CLHC1: variants seen among roughly 807,000 people sequenced by gnomAD.
The protein encoded by CLHC1 is clathrin heavy chain linker domain containing 1.
Under a neutral mutation model 69.5 loss-of-function variants are expected in CLHC1, and 72 were observed. That is an observed-to-expected ratio of 1.04 (90% CI 0.86 to 1.26). CLHC1 has a LOEUF of 1.26. CLHC1 is among the 50% of genes most tolerant of loss of function. CLHC1 has a pLI of 0.00. For synonymous variants in CLHC1, 223 were observed against 224.3 expected (o/e 0.99, Z 0.05); for missense variants, 790 against 679.3 (o/e 1.16, Z -1.81).
intron 3 of CLHC1, 36 bp downstream of exon 3, chr2:55,222,199 C>G (rs948830194): frequency 3.4e-6 from 5 of 1,459,666 alleles, no homozygotes; most frequent in Admixed American, 3.4e-5. Context: ...TTGCTATCCT[C>G]ATGAAAACTT....
At chr2:55,193,404 G>A (rs1363128657) in intron 9 of CLHC1, among the ~76,000 whole-genome samples, 1 of 151,460 alleles carries the variant, frequency 6.6e-6, no homozygotes, top group Non-Finnish European at 1.5e-5. Context: ...TATCAAATAG[G>A]GTTTTAATTC....
intron 9 of CLHC1, among the ~76,000 whole-genome samples, chr2:55,182,965 CAA>C (rs1002844366): frequency 3.9e-5 from 6 of 152,150 alleles, no homozygotes; most frequent in Admixed American, 1.3e-4. Context: ...CCCTAAAAAA[CAA>C]AGACTAAAGC....
At chr2:55,196,528 G>C (rs901508538) in intron 9 of CLHC1, among the ~76,000 whole-genome samples, 6 of 152,142 alleles carry the variant, frequency 3.9e-5, no homozygotes, top group African/African-American at 1.4e-4. Flanking sequence ...ACCAGGCAGA[G>C]TCATGAGGCC....
At position 55,175,686 on chromosome 2, in the gene CLHC1, C is replaced by G; in HGVS notation, c.*104G>C. On this transcript the variant is annotated 3_prime_UTR_variant, in exon 13 of 13. Transcript: ENST00000401408. ...AAGTGTGATTTATTTCTGAGATCTTCTTACTCTAGATTTATTTATAAGTTA... is the reference window on the plus strand; with the variant it reads ...AAGTGTGATTTATTTCTGAGATCTTGTTACTCTAGATTTATTTATAAGTTA... 1.4e-6 allele frequency: 1 copy of G among 695,316 alleles called. No homozygotes were observed. The highest frequency in any genetic ancestry group is 2.4e-6 in the Non-Finnish European group (1 of 421,142). The allele number at this position is 695,316 out of a possible 1,614,324, so 43.1% of individuals were successfully genotyped here.
intron 5 of CLHC1, among the ~76,000 whole-genome samples, chr2:55,210,056 G>C (rs947203477): frequency 6.6e-6 from 1 of 152,062 alleles, no homozygotes; most frequent in Non-Finnish European, 1.5e-5. Flanking sequence ...ACAGGGTCTT[G>C]TTATGTTGCC....
chr2:55,213,953 T>G (rs1312427885), intron 4 of CLHC1, among the ~76,000 whole-genome samples: 2 of 152,084 alleles, frequency 1.3e-5, no homozygotes, highest in Non-Finnish European at 2.9e-5. Context: ...CTGGATAAAT[T>G]GACCTAAGAG....
At chr2:55,179,574 T>C (rs1171072756) in intron 11 of CLHC1, among the ~76,000 whole-genome samples, 1 of 152,156 alleles carries the variant, frequency 6.6e-6, no homozygotes, top group Non-Finnish European at 1.5e-5. Context: ...AATGGCCATG[T>C]TTGGTTCCAT....
At chr2:55,184,919 AACACACACACACACACAC>A (rs561837633) in intron 9 of CLHC1, among the ~76,000 whole-genome samples, 4 of 126,098 alleles carry the variant, frequency 3.2e-5, no homozygotes, top group Admixed American at 8.3e-5. Flanking sequence ...AAAAAAACAA[AACACACACACACACACAC>A]ACACACACAC....
intron 9 of CLHC1, among the ~76,000 whole-genome samples, chr2:55,203,036 T>C (rs1672110644): frequency 1.3e-5 from 2 of 152,152 alleles, no homozygotes; most frequent in Admixed American, 1.3e-4. Flanking sequence ...GTAATCCTGC[T>C]TATAATAGCC....
At chr2:55,189,596 T>A (rs187528935) in intron 9 of CLHC1, among the ~76,000 whole-genome samples, 2 of 152,090 alleles carry the variant, frequency 1.3e-5, no homozygotes, top group East Asian at 1.9e-4. Flanking sequence ...AGTTCCTGAA[T>A]TGAGGACACG....
chr2:55,200,896 T>C (rs1030837959), intron 9 of CLHC1, among the ~76,000 whole-genome samples: 18 of 152,050 alleles, frequency 1.2e-4, no homozygotes, highest in African/African-American at 4.1e-4. Context: ...ACCATACAAA[T>C]ATGGAAACTA....
chr2:55,206,075 T>C (rs1237751074), intron 9 of CLHC1, among the ~76,000 whole-genome samples, 195 bp downstream of exon 9: 2 of 152,244 alleles, frequency 1.3e-5, no homozygotes, highest in Admixed American at 6.5e-5. Context: ...CTTTTCTGTA[T>C]ACTTAAAATC....
intron 2 of CLHC1, among the ~76,000 whole-genome samples, chr2:55,223,722 C>T (rs1674401919): frequency 6.6e-6 from 1 of 152,056 alleles, no homozygotes; most frequent in South Asian, 2.1e-4. Flanking sequence ...CCAGGAGCCT[C>T]GGCAGGGGCC....
At chr2:55,227,697 A>C (rs1674848098) in intron 2 of CLHC1, among the ~76,000 whole-genome samples, 1 of 151,770 alleles carries the variant, frequency 6.6e-6, no homozygotes, top group African/African-American at 2.4e-5. Context: ...AAAAAAGTAA[A>C]AGATAAAAGT....
intron 9 of CLHC1, among the ~76,000 whole-genome samples, chr2:55,185,699 T>C (rs1046380982): frequency 6.6e-6 from 1 of 152,214 alleles, no homozygotes; most frequent in Non-Finnish European, 1.5e-5. Context: ...CCTCTTTATC[T>C]CTCTTCCCAA....
At chr2:55,195,291 T>G (rs1290311183) in intron 9 of CLHC1, among the ~76,000 whole-genome samples, 3 of 152,226 alleles carry the variant, frequency 2.0e-5, no homozygotes, top group Admixed American at 2.0e-4. Flanking sequence ...ACTATTTGTG[T>G]TTCTGTGCCT....
intron 9 of CLHC1, among the ~76,000 whole-genome samples, chr2:55,203,322 A>T (rs1672136784): frequency 6.6e-6 from 1 of 152,232 alleles, no homozygotes; most frequent in South Asian, 2.1e-4. Flanking sequence ...CCAAATTTAT[A>T]TGGAACCACA....
intron 11 of CLHC1, 27 bp from the exon 12 acceptor site, chr2:55,177,808 C>T (rs997999341): frequency 6.5e-7 from 1 of 1,533,208 alleles, no homozygotes. Context: ...AAAAGTTTAT[C>T]TCAATGTCCT....
intron 2 of CLHC1, among the ~76,000 whole-genome samples, chr2:55,226,929 GGCT>G (rs1212103425): frequency 2.0e-5 from 3 of 152,200 alleles, no homozygotes; most frequent in Admixed American, 6.5e-5. Flanking sequence ...CACTGCACCT[GGCT>G]GCTATTTTCA....
Sources: gnomAD v4.1 joint callset for allele counts (sites outside exome capture counted in the v4.1 genomes callset) on GRCh38, gnomAD v4.1.1 for gene constraint, MANE v1.5 for transcripts, NCBI Gene and HGNC (gene_info 2026-07-23, HGNC 2026-07-21) for gene names.